OTUD7B: variants seen among roughly 807,000 people sequenced by gnomAD.
OTUD7B encodes the protein OTU domain-containing protein 7B.
In OTUD7B, 34 loss-of-function variants were observed where a neutral mutation model predicts 82.2. The observed-to-expected ratio is 0.41, with a 90% confidence interval of 0.31 to 0.55. The LOEUF (loss-of-function observed/expected upper bound fraction) is 0.55. Ranked by LOEUF, OTUD7B falls within the 20% of genes least tolerant of loss-of-function variation. The pLI is 0.20. For synonymous variants in OTUD7B, 398 were observed against 402.7 expected, an observed-to-expected ratio of 0.99 and a Z score of 0.14; for missense variants, 944 against 1,062.1, an observed-to-expected ratio of 0.89 and a Z score of 1.55.
chr1:150,018,091 T>A, the OTUD7B span, among the ~76,000 whole-genome samples: 1 of 152,040 alleles, frequency 6.6e-6, no homozygotes, highest in African/African-American at 2.4e-5. Context: ...TGGAAAAAAA[T>A]TTAGAATTGA....
intron 1 of OTUD7B, among the ~76,000 whole-genome samples, chr1:150,007,951 A>T (rs1306616317): frequency 8.5e-5 from 13 of 152,162 alleles, no homozygotes; most frequent in African/African-American, 2.4e-4. Context: ...GGAGAGTGCT[A>T]CTCATACACA....
intron 2 of OTUD7B, among the ~76,000 whole-genome samples, chr1:149,971,490 T>C (rs1649934377): frequency 6.6e-6 from 1 of 152,202 alleles, no homozygotes; most frequent in Non-Finnish European, 1.5e-5. Flanking sequence ...TTTGTCCCTC[T>C]GAACTAAAAG....
chr1:150,053,128 G>A, the OTUD7B span, among the ~76,000 whole-genome samples: 2 of 152,176 alleles, frequency 1.3e-5, no homozygotes, highest in African/African-American at 4.8e-5. Context: ...TTAGGAACAG[G>A]TGAAGATTTC....
At chr1:150,061,762 C>T in the OTUD7B span, among the ~76,000 whole-genome samples, 1 of 152,178 alleles carries the variant, frequency 6.6e-6, no homozygotes, top group Non-Finnish European at 1.5e-5. Flanking sequence ...TTCTGACTAA[C>T]CCCGAGTCTG....
chr1:149,986,237 TCACACACACACACA>T (rs34962941), intron 1 of OTUD7B, among the ~76,000 whole-genome samples: 89 of 136,594 alleles, frequency 6.5e-4, no homozygotes, highest in African/African-American at 2.5e-3. Context: ...TGGTACCCCA[TCACACACACACACA>T]CACACACACA....
chr1:150,009,956 A>G lies in OTUD7B; in HGVS notation c.-67+492T>C, dbSNP rs935800075. The stretch of plus-strand genomic sequence containing the variant: ...TCTCCCTCTCTCACACACACACACA[A>G]ACACACACACACACCTTTTTCTCGC... On this transcript the variant is annotated intron_variant, in intron 1 of 11. Coordinates refer to ENST00000581312, the MANE Select transcript of OTUD7B (RefSeq NM_020205.4). Among the ~76,000 whole-genome samples the G allele has an allele frequency of 2.0e-5, 3 of 151,076 alleles. No individual in the cohort carries two copies. In the East Asian group the frequency reaches 5.8e-4, roughly 29 times the overall value.
intron 1 of OTUD7B, among the ~76,000 whole-genome samples, chr1:149,985,396 G>T (rs587701803): frequency 2.0e-5 from 3 of 152,110 alleles, no homozygotes; most frequent in African/African-American, 4.8e-5. Flanking sequence ...GACAGAGCGA[G>T]ACCCCATCTC....
chr1:149,950,261 A>G, intron 7 of OTUD7B, 40 bp from the exon 8 acceptor site: 2 of 1,608,024 alleles, frequency 1.2e-6, no homozygotes, highest in Non-Finnish European at 1.7e-6. Flanking sequence ...AGGGTGCAGT[A>G]AAAATGAGAG....
rs1362342537 is a variant in OTUD7B at position 149,940,218 on chromosome 1, T to C, written c.*3639A>G. On this transcript the variant is annotated 3_prime_UTR_variant, in exon 12 of 12. Transcript: ENST00000581312. ...GTCTGTGGGCCTTAGTTTCGCTTGA[T>C]AGAAAAAAAAAAACTGAGCTAATAG... 1 of 121,850 alleles carries C rather than the reference T, an allele frequency of 8.2e-6. No individual in the cohort carries two copies. Among genetic ancestry groups the C allele is most frequent in the African/African-American group, 3.6e-5 (1 of 27,492 alleles). The allele number at this position is 121,850 out of a possible 1,614,324, so 7.5% of individuals were successfully genotyped here. A position where few individuals can be genotyped will look rare whatever the true frequency, so the allele number is the denominator to read the frequency against.
intron 7 of OTUD7B, among the ~76,000 whole-genome samples, chr1:149,959,260 C>T (rs1648963250): frequency 6.6e-6 from 1 of 151,286 alleles, no homozygotes; most frequent in Non-Finnish European, 1.5e-5. Context: ...GAAAGGGGGT[C>T]TCACTATGTT....
chr1:149,957,576 C>T (rs1553774811), intron 7 of OTUD7B, among the ~76,000 whole-genome samples: 1 of 152,210 alleles, frequency 6.6e-6, no homozygotes, highest in Non-Finnish European at 1.5e-5. Context: ...CAGACAGGGA[C>T]GTTTAAGTCT....
chr1:149,944,684 C>G lies in OTUD7B; in HGVS notation c.1705G>C (p.Asp569His). ...WKGGKEEAAGDGPVSEKPPAE... is the reference protein window; with the variant it reads ...WKGGKEEAAGHGPVSEKPPAE... ...GGGGGCTTCTCAGACACAGGCCCAT[C>G]CCCAGCTGCCTCCTCCTTGCCACCC... Residue 569 changes from aspartate (D) to histidine (H), a missense_variant, in exon 12 of 12, where the codon GAT (aspartate) becomes CAT (histidine). Transcript: ENST00000581312. 1 of 1,613,854 alleles carries G rather than the reference C, an allele frequency of 6.2e-7. No individual in the cohort carries two copies. Among genetic ancestry groups the G allele is most frequent in the Non-Finnish European group, 8.5e-7 (1 of 1,180,006 alleles).
At chr1:150,012,598 C>T (rs1653127431), upstream of OTUD7B, among the ~76,000 whole-genome samples, 1 of 152,006 alleles carries the variant, frequency 6.6e-6, no homozygotes, top group Non-Finnish European at 1.5e-5. Flanking sequence ...AGGCGTGGAG[C>T]TCAAAGGCAC....
intron 6 of OTUD7B, chr1:149,961,135 T>C (rs1649131619): frequency 6.6e-6 from 1 of 151,930 alleles, no homozygotes; most frequent in African/African-American, 2.4e-5. Flanking sequence ...TCAGCTGTAG[T>C]TCCTGAAATA....
the OTUD7B span, among the ~76,000 whole-genome samples, chr1:150,041,999 T>C: frequency 3.3e-5 from 5 of 152,148 alleles, no homozygotes; most frequent in Admixed American, 6.5e-5. Context: ...TTGTCTTTAA[T>C]TTCCATTTTG....
intron 7 of OTUD7B, among the ~76,000 whole-genome samples, chr1:149,958,345 T>TTTTG (rs1648871741): frequency 6.8e-6 from 1 of 146,400 alleles, no homozygotes; most frequent in Non-Finnish European, 1.5e-5. Context: ...TTTTTTTTTT[T>TTTTG]GAAATGGAGT....
At chr1:149,946,413 G>A (rs1559823786) in intron 11 of OTUD7B, among the ~76,000 whole-genome samples, 1 of 152,048 alleles carries the variant, frequency 6.6e-6, no homozygotes, top group Non-Finnish European at 1.5e-5. Context: ...TGGCTGGAGA[G>A]GAGATGTGGA....
upstream of OTUD7B, among the ~76,000 whole-genome samples, chr1:150,013,945 TATACACACACACACACACACACACACAC>T: frequency 7.9e-6 from 1 of 126,070 alleles, no homozygotes; most frequent in East Asian, 2.4e-4. Context: ...ATAATATATA[TATACACACACACACACACACACACACAC>T]ATATATATAC....
chr1:149,966,923 C>G (rs782461808), intron 4 of OTUD7B, among the ~76,000 whole-genome samples: 4 of 152,148 alleles, frequency 2.6e-5, no homozygotes, highest in Non-Finnish European at 5.9e-5. Flanking sequence ...CAATTACAAA[C>G]GTAAATACAT....
Sources: allele counts gnomAD v4.1 joint callset (sites outside exome capture counted in the v4.1 genomes callset), GRCh38; gene constraint gnomAD v4.1.1; transcripts MANE v1.5; gene names NCBI Gene and HGNC (gene_info 2026-07-23, HGNC 2026-07-21).